Variants in ST8SIA2 observed in about 807,000 individuals in gnomAD.
ST8SIA2 encodes the protein alpha-2,8-sialyltransferase 8B.
ST8SIA2 carries 22 observed loss-of-function variants against 37.6 expected under a neutral mutation model. That is an observed-to-expected ratio of 0.58 (90% CI 0.42 to 0.83). ST8SIA2 has a LOEUF of 0.83. ST8SIA2 is among the 40% of genes least tolerant of loss of function. The pLI is 0.00. For missense variants in ST8SIA2, 382 were observed against 484.7 expected, an observed-to-expected ratio of 0.79 and a Z score of 1.99; for synonymous variants, 205 against 201.2, an observed-to-expected ratio of 1.02 and a Z score of -0.16.
chr15:92,428,530 T>A (rs1418783166), intron 1 of ST8SIA2, among the ~76,000 whole-genome samples: 1 of 152,126 alleles, frequency 6.6e-6, no homozygotes, highest in Non-Finnish European at 1.5e-5. Context: ...GAGCAGACAG[T>A]GACCCACGGG....
chr15:92,427,939 C>T (rs1386029626), intron 1 of ST8SIA2, among the ~76,000 whole-genome samples: 4 of 152,186 alleles, frequency 2.6e-5, no homozygotes, highest in South Asian at 2.1e-4. Flanking sequence ...TGCACAATCA[C>T]GCCACTGCAC....
intron 1 of ST8SIA2, among the ~76,000 whole-genome samples, chr15:92,411,476 C>T (rs913457160): frequency 6.6e-6 from 1 of 152,136 alleles, no homozygotes; most frequent in African/African-American, 2.4e-5. Context: ...AACAACTGAG[C>T]CCACTGTGGG....
chr15:92,431,557 C>T (rs1466576307), intron 2 of ST8SIA2, among the ~76,000 whole-genome samples: 1 of 151,878 alleles, frequency 6.6e-6, no homozygotes. Context: ...GAGTGAAGTT[C>T]AGGAGTCGGG....
chr15:92,444,971 G>A (rs756064135), intron 5 of ST8SIA2, 42 bp downstream of exon 5: 10 of 1,601,624 alleles, frequency 6.2e-6, no homozygotes, highest in Non-Finnish European at 8.5e-6. Context: ...GTCACTAAGT[G>A]TGGGAGATTC....
intron 5 of ST8SIA2, among the ~76,000 whole-genome samples, chr15:92,447,658 C>A (rs2049851718): frequency 6.6e-6 from 1 of 152,220 alleles, no homozygotes. Context: ...AAGCCTGTGA[C>A]CAACACTGGT....
Position 92,430,591 on chromosome 15 carries a change from A to G in ST8SIA2, c.161+480A>G, listed in dbSNP as rs574046319. Among the ~76,000 whole-genome samples, 194 of 152,328 alleles carry G rather than the reference A, an allele frequency of 1.3e-3. 1 individual carries two copies. The highest frequency in any genetic ancestry group is 4.5e-3 in the African/African-American group (188 of 41,528). On this transcript the variant is annotated intron_variant, in intron 2 of 5. Transcript: ENST00000268164. ...ACCCTGATTATTGAACGTACGCTCC[A>G]AATTCTGAAAGAGTGTTTCTACTTC...
At chr15:92,456,355 C>T (rs2049919604) in intron 5 of ST8SIA2, among the ~76,000 whole-genome samples, 1 of 152,212 alleles carries the variant, frequency 6.6e-6, no homozygotes, top group African/African-American at 2.4e-5. Flanking sequence ...AACCTCTAGC[C>T]TCTGCTTGCT....
intron 1 of ST8SIA2, among the ~76,000 whole-genome samples, chr15:92,420,642 A>G (rs1198642025): frequency 6.6e-6 from 1 of 152,222 alleles, no homozygotes; most frequent in Non-Finnish European, 1.5e-5. Context: ...AATTGAAGGC[A>G]GAAGGGATGG....
rs546770471 is a variant in ST8SIA2 at position 92,464,302 on chromosome 15, C to A, written c.1045C>A (p.Pro349Thr). 2 of 1,613,878 alleles carry A rather than the reference C, an allele frequency of 1.2e-6. No homozygotes were observed. The highest frequency in any genetic ancestry group is 1.7e-6 in the Non-Finnish European group (2 of 1,180,008). The stretch of plus-strand genomic sequence containing the variant: ...CTCCCAGGCCAGCCCGCATACCATG[C>A]CCTTGGAGTTTAAGGCCCTCAAGAG... ...YTSQASPHTM[P>T]LEFKALKSLH... is the part of the protein sequence containing the mutation. Residue 349 changes from proline to threonine, a missense_variant, in exon 6 of 6, where the codon CCC (proline) becomes ACC (threonine). Pro to Thr is a conservative substitution (Grantham distance 38, BLOSUM62 -1). Coordinates refer to ENST00000268164, the MANE Select transcript of ST8SIA2 (RefSeq NM_006011.4).
rs149897669 is a variant in ST8SIA2, at chr15:92,435,473, C to T, written c.290+1098C>T. Reference sequence around the variant, plus strand: ...GGTTGGGACGATAGGCAGGACCAGACGGGGAATGATTGATGACCATCCCAG... The same window carrying T: ...GGTTGGGACGATAGGCAGGACCAGATGGGGAATGATTGATGACCATCCCAG... On this transcript the variant is annotated intron_variant, in intron 3 of 5. Transcript: ENST00000268164. 3.2e-3 allele frequency among the ~76,000 whole-genome samples: 482 copies of T among 152,106 alleles called. 1 individual carries two copies. The highest frequency in any genetic ancestry group is 0.011 in the African/African-American group (440 of 41,486).
intron 5 of ST8SIA2, among the ~76,000 whole-genome samples, chr15:92,448,335 A>G (rs775422052): frequency 2.1e-4 from 32 of 152,240 alleles, no homozygotes; most frequent in African/African-American, 5.1e-4. Context: ...TAGGACACCA[A>G]TGAAAAGTTA....
intron 1 of ST8SIA2, among the ~76,000 whole-genome samples, chr15:92,403,517 G>A: frequency 6.6e-6 from 1 of 152,182 alleles, no homozygotes; most frequent in Non-Finnish European, 1.5e-5. Flanking sequence ...GGAAGAGGCA[G>A]ACATACCTGG....
chr15:92,438,444 G>T lies in ST8SIA2; in HGVS notation c.382G>T (p.Asp128Tyr), dbSNP rs532326502. The change falls in exon 4 of 6, where the codon GAT (aspartate) becomes TAT (tyrosine). Residue 128 changes from aspartate (D) to tyrosine (Y), a missense_variant. Asp to Tyr is a radical substitution (Grantham distance 160). Coordinates refer to ENST00000268164, the MANE Select transcript of ST8SIA2 (RefSeq NM_006011.4). Reference protein sequence around the residue: ...KPGDIIHYIFDRDSTMNVSQN... With the variant: ...KPGDIIHYIFYRDSTMNVSQN... ...TGGAGATATTATTCATTACATCTTC[G>T]ATCGAGACAGCACCATGAATGTGTC... 1 of 1,614,164 alleles carries T rather than the reference G, an allele frequency of 6.2e-7. No homozygotes were observed. The highest frequency in any genetic ancestry group is 8.5e-7 in the Non-Finnish European group (1 of 1,180,026).
intron 1 of ST8SIA2, among the ~76,000 whole-genome samples, chr15:92,416,016 T>TAAGAGAGACTG (rs1432725133): frequency 6.6e-6 from 1 of 151,958 alleles, no homozygotes; most frequent in Non-Finnish European, 1.5e-5. Context: ...CAGGGGTCGG[T>TAAGAGAGACTG]AAGAGAGACT....
intron 5 of ST8SIA2, among the ~76,000 whole-genome samples, chr15:92,453,907 G>A (rs993198346): frequency 1.3e-5 from 2 of 151,604 alleles, no homozygotes; most frequent in East Asian, 1.9e-4. Context: ...GGGGGAGGAA[G>A]CCAGATTCCT....
intron 1 of ST8SIA2, among the ~76,000 whole-genome samples, chr15:92,400,022 A>G (rs1258483880): frequency 6.6e-6 from 1 of 152,192 alleles, no homozygotes; most frequent in Non-Finnish European, 1.5e-5. Flanking sequence ...AGGTTCCCCA[A>G]AATGTCCTAG....
intron 4 of ST8SIA2, among the ~76,000 whole-genome samples, chr15:92,443,156 G>T (rs137948993): frequency 6.6e-6 from 1 of 152,274 alleles, no homozygotes. Flanking sequence ...GGATTTCTTC[G>T]TTTGATGATG....
intron 5 of ST8SIA2, among the ~76,000 whole-genome samples, chr15:92,450,746 G>A (rs896013179): frequency 2.6e-5 from 4 of 152,172 alleles, no homozygotes; most frequent in African/African-American, 9.7e-5. Flanking sequence ...CCAACATTAG[G>A]GGTTACAAAA....
At chr15:92,397,340 CA>C (rs2049439231) in intron 1 of ST8SIA2, among the ~76,000 whole-genome samples, 1 of 152,126 alleles carries the variant, frequency 6.6e-6, no homozygotes, top group Non-Finnish European at 1.5e-5. Flanking sequence ...AAAAGTTATA[CA>C]TCATGAATTG....
Sources: gnomAD v4.1 joint callset for allele counts (sites outside exome capture counted in the v4.1 genomes callset) on GRCh38, gnomAD v4.1.1 for gene constraint, MANE v1.5 for transcripts, NCBI Gene and HGNC (gene_info 2026-07-23, HGNC 2026-07-21) for gene names.